Variants in BCAR3 observed in about 807,000 individuals in gnomAD.
The protein encoded by BCAR3 is breast cancer anti-estrogen resistance protein 3.
Under a neutral mutation model 80.1 loss-of-function variants are expected in BCAR3, and 37 were observed. The observed-to-expected ratio is 0.46, with a 90% CI of 0.36 to 0.61. The LOEUF (loss-of-function observed/expected upper bound fraction) is 0.61, where lower values mean the gene tolerates loss of function less well. BCAR3 is among the 20% of genes least tolerant of loss of function. BCAR3 has a pLI of 0.00. For synonymous variants in BCAR3, 389 were observed against 418.9 expected, an observed-to-expected ratio of 0.93 and a Z score of 0.87; for missense variants, 978 against 1,068.2, an observed-to-expected ratio of 0.92 and a Z score of 1.18.
chr1:93,602,062 A>G (rs1255579802), intron 3 of BCAR3: 1 of 152,224 alleles, frequency 6.6e-6, no homozygotes, highest in African/African-American at 2.4e-5. Flanking sequence ...AAATAAAATT[A>G]TAAGTCTGAC....
intron 1 of BCAR3, among the ~76,000 whole-genome samples, chr1:93,679,190 T>G: frequency 6.6e-6 from 1 of 152,180 alleles, no homozygotes; most frequent in East Asian, 1.9e-4. Flanking sequence ...TAAAAGTGAT[T>G]GTGTATACAA....
At chr1:93,692,226 T>C (rs929417658) in intron 3 of BCAR3, among the ~76,000 whole-genome samples, 1 of 152,178 alleles carries the variant, frequency 6.6e-6, no homozygotes, top group Non-Finnish European at 1.5e-5. Context: ...AGTTTGGCCC[T>C]TTCCTCTCTG....
In BCAR3 at chr1:93,807,767, T is replaced by C. The variant is rs991862469; in HGVS notation, c.-63+37800A>G. Among the ~76,000 whole-genome samples, 3 of 152,254 alleles carry C rather than the reference T, an allele frequency of 2.0e-5. No homozygotes were observed. The East Asian group carries it at 5.8e-4, about 29-fold the overall frequency. On this transcript the variant is annotated intron_variant, in intron 2 of 13. Coordinates refer to the BCAR3 transcript ENST00000370244. Reference sequence around the variant, plus strand: ...GGGTCAGATAAGAAAATTCCAGTGGTTCATGGCTGTAATCTCAACACTTTT... The same window carrying C: ...GGGTCAGATAAGAAAATTCCAGTGGCTCATGGCTGTAATCTCAACACTTTT...
chr1:93,837,936 A>C (rs973430069), intron 2 of BCAR3, among the ~76,000 whole-genome samples: 1 of 152,212 alleles, frequency 6.6e-6, no homozygotes, highest in Non-Finnish European at 1.5e-5. Flanking sequence ...TTCAACACTC[A>C]CATGAGTCAT....
chr1:93,846,377 G>A (rs948591426), intron 1 of BCAR3, among the ~76,000 whole-genome samples: 33 of 152,358 alleles, frequency 2.2e-4, no homozygotes, highest in Admixed American at 2.0e-3. Context: ...CCGTAGGCGG[G>A]GCCGGGACTG....
At chr1:93,740,643 C>T (rs1403962934) in intron 2 of BCAR3, among the ~76,000 whole-genome samples, 4 of 152,110 alleles carry the variant, frequency 2.6e-5, no homozygotes, top group South Asian at 2.1e-4. Context: ...TGCTCCTTCC[C>T]GCCCCAAAAA....
intron 2 of BCAR3, among the ~76,000 whole-genome samples, chr1:93,660,737 CAG>C (rs1213438013): frequency 1.3e-5 from 2 of 152,230 alleles, no homozygotes; most frequent in Admixed American, 6.5e-5. Context: ...TTGTTTGATA[CAG>C]AGTCTCGCAA....
intron 7 of BCAR3, among the ~76,000 whole-genome samples, chr1:93,576,871 T>C (rs1673480742): frequency 6.6e-6 from 1 of 152,208 alleles, no homozygotes; most frequent in African/African-American, 2.4e-5. Context: ...ATGGGGCCAA[T>C]AGGCCAGGCA....
chr1:93,637,680 T>G (rs1386633938), intron 3 of BCAR3, among the ~76,000 whole-genome samples: 1 of 152,178 alleles, frequency 6.6e-6, no homozygotes, highest in African/African-American at 2.4e-5. Flanking sequence ...GTGGCAGTTA[T>G]GATCCATCAT....
intron 3 of BCAR3, among the ~76,000 whole-genome samples, chr1:93,626,187 AC>A (rs1486886789): frequency 6.6e-6 from 1 of 152,080 alleles, no homozygotes; most frequent in Non-Finnish European, 1.5e-5. Flanking sequence ...ACAATTGAGA[AC>A]CCTTACTTCA....
At chr1:93,582,225 C>A in intron 7 of BCAR3, 76 bp downstream of exon 7, 1 of 1,526,970 alleles carries the variant, frequency 6.5e-7, no homozygotes, top group South Asian at 1.3e-5. Flanking sequence ...CCTACAAAAG[C>A]CAGAGGAGCA....
chr1:93,627,421 T>G (rs896536311), intron 3 of BCAR3, among the ~76,000 whole-genome samples: 3 of 152,212 alleles, frequency 2.0e-5, no homozygotes, highest in Non-Finnish European at 4.4e-5. Context: ...GACCAACAAC[T>G]ATAATGATCT....
intron 2 of BCAR3, among the ~76,000 whole-genome samples, chr1:93,718,547 C>T (rs906742789): frequency 6.6e-6 from 1 of 152,108 alleles, no homozygotes; most frequent in Non-Finnish European, 1.5e-5. Flanking sequence ...CCTCAATTTC[C>T]TCAACTATAA....
intron 3 of BCAR3, among the ~76,000 whole-genome samples, chr1:93,634,916 A>G (rs564775378): frequency 6.6e-6 from 1 of 152,226 alleles, no homozygotes; most frequent in Admixed American, 6.5e-5. Context: ...GACTAACACA[A>G]TGTGTGTTTC....
intron 2 of BCAR3, among the ~76,000 whole-genome samples, chr1:93,820,252 T>C (rs529919190): frequency 6.6e-6 from 1 of 152,356 alleles, no homozygotes; most frequent in South Asian, 2.1e-4. Context: ...TAAGTACTTG[T>C]ACTTCTTTAG....
chr1:93,685,072 A>C (rs1648924320), upstream of BCAR3, among the ~76,000 whole-genome samples: 1 of 152,206 alleles, frequency 6.6e-6, no homozygotes, highest in Non-Finnish European at 1.5e-5. Flanking sequence ...CCATCAAACC[A>C]CAACCACATT....
chr1:93,600,372 G>A (rs1253215524), intron 3 of BCAR3, among the ~76,000 whole-genome samples: 3 of 152,230 alleles, frequency 2.0e-5, no homozygotes, highest in Admixed American at 6.5e-5. Context: ...AACAGGAAGC[G>A]TCCCTGTGGG....
At chr1:93,799,651 GGT>G (rs1329643235) in intron 2 of BCAR3, among the ~76,000 whole-genome samples, 5 of 152,112 alleles carry the variant, frequency 3.3e-5, no homozygotes, top group Non-Finnish European at 5.9e-5. Context: ...GCAATTACAG[GGT>G]GTGTTTTTTA....
At chr1:93,784,493 T>C (rs1193409663) in intron 2 of BCAR3, among the ~76,000 whole-genome samples, 1 of 152,064 alleles carries the variant, frequency 6.6e-6, no homozygotes, top group African/African-American at 2.4e-5. Flanking sequence ...GGGTGAGCAG[T>C]TCCCCCAGCA....
Sources: gnomAD v4.1 joint callset for allele counts (sites outside exome capture counted in the v4.1 genomes callset) on GRCh38, gnomAD v4.1.1 for gene constraint, MANE v1.5 for transcripts, NCBI Gene and HGNC (gene_info 2026-07-23, HGNC 2026-07-21) for gene names.